SCAPER: variants seen among roughly 807,000 people sequenced by gnomAD.
SCAPER encodes S-phase cyclin A associated protein in the ER.
In SCAPER, 98 loss-of-function variants were observed where a neutral mutation model predicts 182.2. The ratio of observed to expected loss-of-function variants is 0.54; its 90% CI spans 0.46 to 0.64. SCAPER has a LOEUF of 0.64. Among genes scored for constraint, SCAPER ranks in the 30% least tolerant of loss-of-function variants. The pLI is 0.00. For missense variants in SCAPER, 1,432 were observed against 1,690.0 expected (o/e 0.85, Z 2.68); for synonymous variants, 605 against 564.6 (o/e 1.07, Z -1.01).
At chr15:76,433,271 A>T (rs1184664993) in intron 26 of SCAPER, among the ~76,000 whole-genome samples, 1 of 152,072 alleles carries the variant, frequency 6.6e-6, no homozygotes, top group Non-Finnish European at 1.5e-5. Context: ...ACTTTGGGAG[A>T]TGGAGGCGGG....
chr15:76,389,531 A>T (rs2043521499), intron 27 of SCAPER, among the ~76,000 whole-genome samples: 1 of 111,530 alleles, frequency 9.0e-6, no homozygotes, highest in East Asian at 2.8e-4. Flanking sequence ...AAAAAAAAAA[A>T]GGCCGGGCGC....
intron 22 of SCAPER, among the ~76,000 whole-genome samples, chr15:76,609,766 G>A (rs1489648880): frequency 6.6e-6 from 1 of 152,164 alleles, no homozygotes; most frequent in East Asian, 1.9e-4. Context: ...TCAGCCTTTA[G>A]TAAAATCATG....
rs116437281 is a variant in SCAPER at position 76,707,471 on chromosome 15, T to A, written c.2166-1487A>T. ...ATGTGAATAGTAGATACGGCTATATTTACAACAGAGACAATTTGACATTAA... is the reference window on the plus strand; with the variant it reads ...ATGTGAATAGTAGATACGGCTATATATACAACAGAGACAATTTGACATTAA... On this transcript the variant is annotated intron_variant, in intron 17 of 31. Transcript: ENST00000563290. Among the ~76,000 whole-genome samples, 817 of 152,206 alleles carry A rather than the reference T, an allele frequency of 5.4e-3. 6 individuals are homozygous for A. The highest frequency in any genetic ancestry group is 0.019 in the African/African-American group (791 of 41,552).
At chr15:76,745,629 G>A (rs905702116) in intron 15 of SCAPER, among the ~76,000 whole-genome samples, 5 of 152,142 alleles carry the variant, frequency 3.3e-5, no homozygotes, top group African/African-American at 1.2e-4. Flanking sequence ...ATCTCCTCAT[G>A]TAAAGATAGC....
At chr15:76,500,491 G>A (rs529726956) in intron 24 of SCAPER, among the ~76,000 whole-genome samples, 16 of 152,106 alleles carry the variant, frequency 1.1e-4, no homozygotes, top group Non-Finnish European at 2.2e-4. Context: ...GCCTGGAAAG[G>A]GCTTGGTGAT....
At chr15:76,855,168 T>A (rs937274039) in intron 4 of SCAPER, among the ~76,000 whole-genome samples, 1 of 152,042 alleles carries the variant, frequency 6.6e-6, no homozygotes, top group Non-Finnish European at 1.5e-5. Flanking sequence ...AAAAACAAGA[T>A]ATGGAGAAAG....
chr15:76,631,371 T>C (rs1232038614), intron 21 of SCAPER, among the ~76,000 whole-genome samples: 2 of 152,248 alleles, frequency 1.3e-5, no homozygotes, highest in East Asian at 1.9e-4. Context: ...CTTTATGTAG[T>C]TGCTTCATAA....
At chr15:76,774,256 G>T in intron 9 of SCAPER, 1 of 245,718 alleles carries the variant, frequency 4.1e-6, no homozygotes, top group Non-Finnish European at 7.9e-6. Context: ...ATGGACAAAG[G>T]ACAATGTACA....
intron 1 of SCAPER, among the ~76,000 whole-genome samples, chr15:76,902,304 G>T (rs566572977): frequency 7.2e-5 from 11 of 152,194 alleles, no homozygotes; most frequent in Non-Finnish European, 1.3e-4. Context: ...CAGAATATGT[G>T]ATTGTAAAAG....
At chr15:76,876,515 G>A (rs2073175627) in intron 2 of SCAPER, among the ~76,000 whole-genome samples, 2 of 150,342 alleles carry the variant, frequency 1.3e-5, no homozygotes, top group Non-Finnish European at 2.9e-5. Flanking sequence ...ATTGAATTCA[G>A]ATATGAGAAC....
intron 20 of SCAPER, among the ~76,000 whole-genome samples, chr15:76,681,244 A>AC (rs1463504465): frequency 6.6e-6 from 1 of 152,222 alleles, no homozygotes; most frequent in Admixed American, 6.5e-5. Context: ...AGGAGAACTT[A>AC]CCCAATTTTC....
chr15:76,533,425 T>C (rs2043848370), intron 23 of SCAPER, among the ~76,000 whole-genome samples: 1 of 152,156 alleles, frequency 6.6e-6, no homozygotes, highest in African/African-American at 2.4e-5. Flanking sequence ...GCCTGTAGTA[T>C]TCAGCATAGT....
intron 23 of SCAPER, among the ~76,000 whole-genome samples, chr15:76,561,007 G>A (rs961571240): frequency 1.3e-5 from 2 of 151,922 alleles, no homozygotes; most frequent in African/African-American, 2.4e-5. Flanking sequence ...ATCCATACAC[G>A]GGCAATTTCT....
chr15:76,535,917 T>C (rs2044120972), intron 23 of SCAPER, among the ~76,000 whole-genome samples: 1 of 152,210 alleles, frequency 6.6e-6, no homozygotes, highest in Admixed American at 6.5e-5. Context: ...GCCTGTATTA[T>C]CCCATTTGCT....
intron 25 of SCAPER, among the ~76,000 whole-genome samples, chr15:76,454,293 C>T (rs998355484): frequency 1.3e-5 from 2 of 152,170 alleles, no homozygotes; most frequent in African/African-American, 2.4e-5. Flanking sequence ...TCATCATAAT[C>T]CTTAAGAGAT....
chr15:76,393,798 G>T (rs2142040813), intron 27 of SCAPER, among the ~76,000 whole-genome samples: 1 of 152,316 alleles, frequency 6.6e-6, no homozygotes. Flanking sequence ...CAGGATGCTT[G>T]TTCTTGGAAC....
At chr15:76,729,140 A>T (rs1292810761) in intron 16 of SCAPER, among the ~76,000 whole-genome samples, 4 of 151,980 alleles carry the variant, frequency 2.6e-5, no homozygotes, top group African/African-American at 9.7e-5. Flanking sequence ...TCAGACTCCA[A>T]GTTCTTCAGT....
At chr15:76,864,057 G>A (rs1352850658) in intron 2 of SCAPER, among the ~76,000 whole-genome samples, 1 of 152,060 alleles carries the variant, frequency 6.6e-6, no homozygotes, top group Non-Finnish European at 1.5e-5. Context: ...CAGTACCCAA[G>A]CCAACATCAC....
At chr15:76,491,124 A>C (rs1163180284) in intron 24 of SCAPER, among the ~76,000 whole-genome samples, 1 of 152,118 alleles carries the variant, frequency 6.6e-6, no homozygotes, top group African/African-American at 2.4e-5. Context: ...AAATCAGTTG[A>C]CTGTATATAC....
Sources: allele counts gnomAD v4.1 joint callset (sites outside exome capture counted in the v4.1 genomes callset), GRCh38; gene constraint gnomAD v4.1.1; transcripts MANE v1.5; gene names NCBI Gene and HGNC (gene_info 2026-07-23, HGNC 2026-07-21).